DOCK5: variants seen among roughly 807,000 people sequenced by gnomAD.
DOCK5 encodes dedicator of cytokinesis protein 5.
In DOCK5, 142 loss-of-function variants were observed where a neutral mutation model predicts 251.8. The observed-to-expected ratio is 0.56, with a 90% CI of 0.49 to 0.65. The LOEUF is 0.65. Ranked by LOEUF, DOCK5 falls within the 30% of genes least tolerant of loss-of-function variation. The probability of loss-of-function intolerance (pLI) is 0.00; values close to 1 mark genes in which losing one functional copy is unlikely to be tolerated. For missense variants in DOCK5, 2,111 were observed against 2,312.3 expected, an observed-to-expected ratio of 0.91 and a Z score of 1.79; for synonymous variants, 842 against 835.5, an observed-to-expected ratio of 1.01 and a Z score of -0.13.
At chr8:25,317,237 T>G (rs1805276986) in intron 14 of DOCK5, 106 bp downstream of exon 14, 2 of 1,501,566 alleles carry the variant, frequency 1.3e-6, no homozygotes, top group Admixed American at 4.2e-5. Flanking sequence ...ATGGGTTTGA[T>G]TTTTCCTGAG....
In DOCK5 at chr8:25,310,478, G is replaced by A. The variant is rs747356473; in HGVS notation, c.1264G>A (p.Asp422Asn). ...QVQKNFSHLV[D>N]RSTAIARKMG... Reference sequence around the variant, plus strand: ...TCAGAAGAATTTTTCACACTTGGTTGATAGATCAACAGCAATAGCCCGGAA... The same window carrying A: ...TCAGAAGAATTTTTCACACTTGGTTAATAGATCAACAGCAATAGCCCGGAA... Residue 422 changes from aspartate to asparagine, a missense_variant, in exon 13 of 52, where the codon GAT becomes AAT. Asp to Asn is a conservative substitution (Grantham distance 23). Around this residue, in one of 3 missense-constraint regions of DOCK5, gnomAD observed 1,717 missense variants for 1,892.4 expected, o/e 0.91. Transcript: ENST00000276440. 18 of 1,613,690 alleles carry A rather than the reference G, an allele frequency of 1.1e-5. No homozygotes were observed. Among genetic ancestry groups the A allele is most frequent in the Non-Finnish European group, 1.5e-5 (18 of 1,179,802 alleles).
intron 1 of DOCK5, among the ~76,000 whole-genome samples, chr8:25,192,494 C>T (rs370656344): frequency 3.9e-5 from 6 of 152,172 alleles, no homozygotes; most frequent in African/African-American, 1.4e-4. Flanking sequence ...TACCCATTTC[C>T]ATCTGTATTC....
At position 25,368,256 on chromosome 8, in the gene DOCK5, TG is replaced by T. The variant is rs1172803993; in HGVS notation, c.3283+7del. 2 of 1,611,002 alleles carry T rather than the reference TG, an allele frequency of 1.2e-6. No individual in the cohort carries two copies. Among genetic ancestry groups the T allele is most frequent in the Non-Finnish European group, 1.7e-6 (2 of 1,178,354 alleles). On this transcript the variant is annotated splice_region_variant and intron_variant, in intron 32 of 51. Transcript: ENST00000276440. Reference sequence around the variant, plus strand: ...GGACATGTGGTATAACCTGGGTGAGTGTCTAGCCTTGAACAGGCCTGATCAC... The same window carrying T: ...GGACATGTGGTATAACCTGGGTGAGTTCTAGCCTTGAACAGGCCTGATCAC...
intron 18 of DOCK5, among the ~76,000 whole-genome samples, chr8:25,328,149 G>A (rs996935541): frequency 6.6e-6 from 1 of 151,888 alleles, no homozygotes; most frequent in African/African-American, 2.4e-5. Context: ...ATCACAGAAT[G>A]TTCCTTTGGA....
At chr8:25,377,500 C>T (rs1018334536) in intron 38 of DOCK5, 76 bp downstream of exon 38, 4 of 1,509,414 alleles carry the variant, frequency 2.7e-6, no homozygotes, top group African/African-American at 2.8e-5. Flanking sequence ...CTGATGCTCA[C>T]CACTTGGAGT....
chr8:25,332,478 G>A, intron 19 of DOCK5, 125 bp from the exon 20 acceptor site: 1 of 1,189,638 alleles, frequency 8.4e-7, no homozygotes, highest in Non-Finnish European at 1.2e-6. Flanking sequence ...TGTTAAACAA[G>A]TGTGCTAGTT....
intron 5 of DOCK5, among the ~76,000 whole-genome samples, chr8:25,289,339 A>AT (rs1804424433): frequency 6.6e-6 from 1 of 151,584 alleles, no homozygotes; most frequent in Admixed American, 6.6e-5. Context: ...TTTTACAGAA[A>AT]CAAGGTCTCG....
intron 40 of DOCK5, among the ~76,000 whole-genome samples, chr8:25,384,386 AAG>A (rs1801122008): frequency 6.6e-6 from 1 of 151,930 alleles, no homozygotes; most frequent in African/African-American, 2.4e-5. Context: ...TTTACACTAA[AAG>A]GGGTCCATTT....
intron 3 of DOCK5, chr8:25,270,714 C>A (rs1803884898): frequency 7.8e-6 from 5 of 640,106 alleles, no homozygotes; most frequent in South Asian, 1.9e-5. Context: ...ATGTAAGGAT[C>A]CTTTTGAACA....
chr8:25,315,238 A>G (rs1655495720), intron 13 of DOCK5, among the ~76,000 whole-genome samples: 1 of 150,728 alleles, frequency 6.6e-6, no homozygotes, highest in African/African-American at 2.4e-5. Flanking sequence ...GATGTCAGTC[A>G]GGTTGTCTCC....
chr8:25,410,044 T>A, intron 50 of DOCK5, 55 bp from the exon 51 acceptor site: 1 of 1,426,688 alleles, frequency 7.0e-7, no homozygotes, highest in Non-Finnish European at 9.7e-7. Flanking sequence ...AACATTTCCA[T>A]GAGCTTCCTT....
chr8:25,402,098 G>A (rs1801449099), intron 47 of DOCK5, among the ~76,000 whole-genome samples: 1 of 151,966 alleles, frequency 6.6e-6, no homozygotes, highest in African/African-American at 2.4e-5. Context: ...AATTCATCCT[G>A]TTCTCTTTAA....
In DOCK5 at chr8:25,401,061, A is replaced by G. The variant is rs1391854358; in HGVS notation, c.4921A>G (p.Thr1641Ala). 2 of 1,613,974 alleles carry G rather than the reference A, an allele frequency of 1.2e-6. No individual in the cohort carries two copies. The highest frequency in any genetic ancestry group is 1.7e-6 in the Non-Finnish European group (2 of 1,179,850). ...AGTAGAAAAGCACTATGGGGTTATA[A>G]CACTGGTAAGCATGATCTAAGTAGC... ...EKVEKHYGVITLPPNLTERKQ... is the reference protein window; with the variant it reads ...EKVEKHYGVIALPPNLTERKQ... Residue 1641 changes from threonine (T) to alanine (A), a missense_variant, in exon 47 of 52, where the codon ACA becomes GCA. Thr to Ala is a moderately conservative substitution (Grantham distance 58). Coordinates refer to ENST00000276440, the MANE Select transcript of DOCK5 (RefSeq NM_024940.8).
chr8:25,255,370 G>A (rs1196732152), intron 2 of DOCK5, among the ~76,000 whole-genome samples: 5 of 152,140 alleles, frequency 3.3e-5, no homozygotes, highest in Admixed American at 6.6e-5. Flanking sequence ...ATCATTCAGC[G>A]CTAAAAAGAA....
At chr8:25,299,137 CA>C in intron 8 of DOCK5, 36 bp downstream of exon 8, 1 of 1,601,878 alleles carries the variant, frequency 6.2e-7, no homozygotes, top group Non-Finnish European at 8.5e-7. Context: ...GCTGACCTAA[CA>C]AAGATACCCA....
intron 1 of DOCK5, among the ~76,000 whole-genome samples, chr8:25,186,940 C>G (rs1202646304): frequency 6.6e-6 from 1 of 151,992 alleles, no homozygotes; most frequent in African/African-American, 2.4e-5. Context: ...TGGCTCACGT[C>G]TGTAATCCCA....
chr8:25,346,551 C>T (rs1019170265), intron 26 of DOCK5, among the ~76,000 whole-genome samples: 3 of 146,700 alleles, frequency 2.0e-5, no homozygotes, highest in African/African-American at 7.6e-5. Flanking sequence ...TAAGGCCGGG[C>T]GTGGTGGCTC....
intron 40 of DOCK5, among the ~76,000 whole-genome samples, chr8:25,384,463 ATTT>A (rs201096966): frequency 0.015 from 2,090 of 135,664 alleles, 30 homozygotes; most frequent in African/African-American, 0.039. Context: ...TTATTTATTT[ATTT>A]TTTTTTTTTT....
At chr8:25,192,267 A>C (rs2117442906) in intron 1 of DOCK5, among the ~76,000 whole-genome samples, 1 of 152,256 alleles carries the variant, frequency 6.6e-6, no homozygotes, top group South Asian at 2.1e-4. Context: ...ATGACTTATA[A>C]TCCTTTGGGT....
Sources: allele counts gnomAD v4.1 joint callset (sites outside exome capture counted in the v4.1 genomes callset), GRCh38; gene constraint gnomAD v4.1.1; regional missense constraint gnomAD v4.1.1; transcripts MANE v1.5; gene names NCBI Gene and HGNC (gene_info 2026-07-23, HGNC 2026-07-21).